TBL1X: variants seen among roughly 807,000 people sequenced by gnomAD.
TBL1X encodes the protein transducin beta like 1 X-linked.
Under a neutral mutation model 50.7 loss-of-function variants are expected in TBL1X, and 10 were observed. The observed-to-expected ratio is 0.20, with a 90% CI of 0.12 to 0.33. The LOEUF (loss-of-function observed/expected upper bound fraction) is 0.33, where lower values mean the gene tolerates loss of function less well. Ranked by LOEUF, TBL1X falls within the 10% of genes least tolerant of loss-of-function variation. TBL1X has a pLI of 1.00. For synonymous variants in TBL1X, 190 were observed against 214.7 expected, an observed-to-expected ratio of 0.88 and a Z score of 1.01; for missense variants, 340 against 504.4, an observed-to-expected ratio of 0.67 and a Z score of 3.12.
At chrX:9,478,349 A>C (rs1409834775) in intron 1 of TBL1X, among the ~76,000 whole-genome samples, 1 of 111,172 alleles carries the variant, frequency 9.0e-6, no homozygotes, top group African/African-American at 3.3e-5. Context: ...GCTTGGAGGG[A>C]ATCTGGATGT....
chrX:9,711,521 A>G lies in TBL1X; in HGVS notation c.1440-90A>G, dbSNP rs1021880276. 1.9e-4 allele frequency: 174 copies of G among 919,648 alleles called. 1 individual carries two copies. Among genetic ancestry groups the G allele is most frequent in the Non-Finnish European group, 2.2e-4 (160 of 712,163 alleles). 75.8% of individuals were successfully genotyped at this position (919,648 alleles called of 1,213,427 possible). The stretch of plus-strand genomic sequence containing the variant: ...TCTTTTGAAACGTAAAAGCTGGGAA[A>G]AACAACTCCTGGAGATCTGATACAC... On this transcript the variant is annotated intron_variant, in intron 15 of 17. Coordinates refer to ENST00000645353, the MANE Select transcript of TBL1X (RefSeq NM_005647.4).
intron 2 of TBL1X, among the ~76,000 whole-genome samples, chrX:9,614,617 G>T (rs1391721938): frequency 8.9e-6 from 1 of 111,858 alleles, no homozygotes; most frequent in East Asian, 2.8e-4. Flanking sequence ...ATCTGACTTG[G>T]AAGGGAGCCA....
At chrX:9,567,967 C>T (rs2082360164) in intron 2 of TBL1X, among the ~76,000 whole-genome samples, 2 of 112,034 alleles carry the variant, frequency 1.8e-5, no homozygotes, top group South Asian at 7.4e-4. Context: ...TCCTTTGAGC[C>T]TCTGTCTCCT....
chrX:9,577,607 C>G (rs2082418957), intron 2 of TBL1X, among the ~76,000 whole-genome samples: 1 of 112,188 alleles, frequency 8.9e-6, no homozygotes, highest in South Asian at 3.7e-4. Context: ...TGCTCAACAT[C>G]CCACAGTGCA....
At chrX:9,511,767 G>A (rs2082056748) in intron 2 of TBL1X, among the ~76,000 whole-genome samples, 1 of 112,515 alleles carries the variant, frequency 8.9e-6, no homozygotes, top group African/African-American at 3.2e-5. Context: ...TAATAATGAA[G>A]ACTATTTGAA....
chrX:9,624,864 A>G (rs951455012), intron 2 of TBL1X, among the ~76,000 whole-genome samples: 1 of 112,649 alleles, frequency 8.9e-6, no homozygotes, highest in African/African-American at 3.2e-5. Flanking sequence ...AAAAAAATTT[A>G]AGAATTTTAA....
intron 1 of TBL1X, among the ~76,000 whole-genome samples, chrX:9,499,848 C>T (rs1431922635): frequency 9.1e-6 from 1 of 109,882 alleles, no homozygotes. Flanking sequence ...TGGTGGCAGG[C>T]ACCTATAACC....
At position 9,590,466 on chromosome X, in the gene TBL1X, G is replaced by A. The variant is rs907964882; in HGVS notation, c.-130-49807G>A. Among the ~76,000 whole-genome samples, 8 of 111,484 alleles carry A rather than the reference G, an allele frequency of 7.2e-5. No homozygotes were observed. The East Asian group carries it at 2.2e-3, about 31-fold the overall frequency. On this transcript the variant is annotated intron_variant, in intron 2 of 17. Transcript: ENST00000645353. ...TATGATTAACTTTTTGGTTGGTGTC[G>A]CCATAAGTTTTTTCAGTTCGGATTC...
At chrX:9,701,154 G>A (rs766787002) in intron 12 of TBL1X, among the ~76,000 whole-genome samples, 3 of 111,339 alleles carry the variant, frequency 2.7e-5, no homozygotes, top group African/African-American at 3.3e-5. Context: ...TGCCAGCGTC[G>A]ATACAACGCT....
intron 2 of TBL1X, among the ~76,000 whole-genome samples, chrX:9,580,424 C>T (rs181516079): frequency 1.6e-3 from 177 of 111,685 alleles, no homozygotes; most frequent in Non-Finnish European, 2.5e-3. Context: ...AGACAAGGGA[C>T]AAATAGTTGT....
intron 3 of TBL1X, among the ~76,000 whole-genome samples, chrX:9,640,984 T>G (rs2082772996): frequency 8.9e-6 from 1 of 111,999 alleles, no homozygotes; most frequent in Non-Finnish European, 1.9e-5. Flanking sequence ...TTTCTGGGTC[T>G]TACCAGGCGA....
intron 2 of TBL1X, among the ~76,000 whole-genome samples, chrX:9,534,055 G>C (rs1355185514): frequency 1.8e-5 from 2 of 111,619 alleles, no homozygotes; most frequent in Non-Finnish European, 3.8e-5. Context: ...CGAGGAGAAG[G>C]GTTGCCCAGG....
chrX:9,702,036 T>G (rs1262062793), intron 12 of TBL1X, among the ~76,000 whole-genome samples: 1 of 111,637 alleles, frequency 9.0e-6, no homozygotes, highest in Non-Finnish European at 1.9e-5. Context: ...GATAAACACA[T>G]GGAGGCTTGC....
At chrX:9,588,123 CAAAT>C (rs1376127185) in intron 2 of TBL1X, among the ~76,000 whole-genome samples, 1 of 112,034 alleles carries the variant, frequency 8.9e-6, no homozygotes, top group Non-Finnish European at 1.9e-5. Flanking sequence ...AGTTTAAAAA[CAAAT>C]AGAGCATAAC....
chrX:9,478,637 C>G (rs1009454342), intron 1 of TBL1X, among the ~76,000 whole-genome samples: 2 of 111,819 alleles, frequency 1.8e-5, no homozygotes, highest in African/African-American at 6.5e-5. Flanking sequence ...GGAGAGGAGC[C>G]TGATTGCTGC....
At chrX:9,673,914 A>G (rs1365476931) in intron 5 of TBL1X, among the ~76,000 whole-genome samples, 3 of 111,893 alleles carry the variant, frequency 2.7e-5, no homozygotes, top group Non-Finnish European at 5.6e-5. Flanking sequence ...TAAAACTACA[A>G]AATTAGCTGG....
At chrX:9,479,899 A>G (rs772417485) in intron 1 of TBL1X, among the ~76,000 whole-genome samples, 96 of 106,298 alleles carry the variant, frequency 9.0e-4, no homozygotes, top group Non-Finnish European at 1.4e-3. Flanking sequence ...AGACTACTGG[A>G]GAAACAGTTT....
intron 2 of TBL1X, among the ~76,000 whole-genome samples, chrX:9,525,066 G>T (rs1408317889): frequency 9.0e-6 from 1 of 111,568 alleles, no homozygotes; most frequent in Non-Finnish European, 1.9e-5. Flanking sequence ...CCAGAGGGAT[G>T]ATGGTTCCTT....
At chrX:9,665,489 C>CCATATATATATATATATA (rs1491466889) in intron 5 of TBL1X, among the ~76,000 whole-genome samples, 2 of 19,798 alleles carry the variant, frequency 1.0e-4, no homozygotes, top group Non-Finnish European at 1.7e-4. Flanking sequence ...GATATTCAAG[C>CCATATATATATATATATA]TATATATATA....
Sources: gnomAD v4.1 joint callset for allele counts (sites outside exome capture counted in the v4.1 genomes callset) on GRCh38, gnomAD v4.1.1 for gene constraint, MANE v1.5 for transcripts, NCBI Gene and HGNC (gene_info 2026-07-23, HGNC 2026-07-21) for gene names.